Variants in TRAPPC9 observed in about 807,000 individuals in gnomAD.
The protein encoded by TRAPPC9 is trafficking protein particle complex subunit 9, also known as IKK2 binding protein.
Under a neutral mutation model 124.0 loss-of-function variants are expected in TRAPPC9, and 83 were observed. The ratio of observed to expected loss-of-function variants is 0.67; its 90% confidence interval spans 0.56 to 0.80. The LOEUF is 0.80. Among genes scored for constraint, TRAPPC9 ranks in the 30% least tolerant of loss-of-function variants. The pLI is 0.00. For synonymous variants in TRAPPC9, 638 were observed against 617.5 expected, an observed-to-expected ratio of 1.03 and a Z score of -0.49; for missense variants, 1,302 against 1,508.3, an observed-to-expected ratio of 0.86 and a Z score of 2.27.
At position 140,287,522 on chromosome 8, in the gene TRAPPC9, C is replaced by T. The variant is rs113471197; in HGVS notation, c.1981+86G>A. 5.7e-5 allele frequency: 89 copies of T among 1,554,706 alleles called. No individual in the cohort carries two copies. The African/African-American group carries it at 1.1e-3, about 19-fold the overall frequency. ...TTCTAACTGGTTAGGACTGGCATGA[C>T]GGGCGATCGGCTCTGGACCTCATGG... On this transcript the variant is annotated intron_variant, in intron 13 of 22. Transcript: ENST00000438773.
In TRAPPC9 at chr8:140,144,819, T is replaced by C. The variant is rs55734988; in HGVS notation, c.2556+76640A>G. Among the ~76,000 whole-genome samples the C allele has an allele frequency of 9.5e-3, 1,441 of 151,978 alleles. 26 individuals are homozygous for C. The highest frequency in any genetic ancestry group is 0.033 in the African/African-American group (1,375 of 41,450). On this transcript the variant is annotated intron_variant, in intron 17 of 22. Coordinates refer to ENST00000438773, the MANE Select transcript of TRAPPC9 (RefSeq NM_001160372.4). ...TATTTTTCTAACTGGTTTTTATGGA[T>C]CTAGATGAATGTTACTAATTTATGT...
chr8:140,213,047 G>A (rs964447639), intron 17 of TRAPPC9, among the ~76,000 whole-genome samples: 1 of 151,006 alleles, frequency 6.6e-6, no homozygotes, highest in Admixed American at 6.6e-5. Flanking sequence ...ACTCTAGCCT[G>A]GTGACAGAGC....
chr8:139,850,560 A>C (rs1196660458), intron 21 of TRAPPC9, among the ~76,000 whole-genome samples: 2 of 152,244 alleles, frequency 1.3e-5, no homozygotes, highest in Non-Finnish European at 1.5e-5. Context: ...ATGCCAATGC[A>C]TCTGAAAACC....
chr8:140,457,863 A>C (rs2071747358), upstream of TRAPPC9: 1 of 1,008,324 alleles, frequency 9.9e-7, no homozygotes, highest in Non-Finnish European at 1.2e-6. Flanking sequence ...GGGAGAAAAG[A>C]GGAAGGAGGA....
intron 16 of TRAPPC9, among the ~76,000 whole-genome samples, chr8:140,251,346 AGCGG>A (rs1259384749): frequency 3.9e-5 from 6 of 152,252 alleles, no homozygotes; most frequent in Non-Finnish European, 8.8e-5. Context: ...AATGCAGTTC[AGCGG>A]GATAAAGCCG....
chr8:139,868,019 A>G (rs1828660153), intron 21 of TRAPPC9, among the ~76,000 whole-genome samples: 1 of 152,188 alleles, frequency 6.6e-6, no homozygotes, highest in Admixed American at 6.5e-5. Flanking sequence ...GGAAATACAC[A>G]TTAATAATTT....
At position 139,776,676 on chromosome 8, in the gene TRAPPC9, GCA is replaced by G. The variant is rs138655288; in HGVS notation, c.3056-44476_3056-44475del. Among the ~76,000 whole-genome samples, 2 of 151,478 alleles carry G rather than the reference GCA, an allele frequency of 1.3e-5. No homozygotes were observed. Among genetic ancestry groups the G allele is most frequent in the African/African-American group, 2.4e-5 (1 of 41,196 alleles). The stretch of plus-strand genomic sequence containing the variant: ...CACGTGTGTGTCTGTGTGTGTGTGC[GCA>G]CACACACACAGAAAGGCACATGTGT... On this transcript the variant is annotated intron_variant, in intron 21 of 22. Coordinates refer to ENST00000438773, the MANE Select transcript of TRAPPC9 (RefSeq NM_001160372.4). The surrounding 1 kb of genome is among the most constrained non-coding windows in gnomAD (Gnocchi z 4.1).
At chr8:140,065,899 A>G (rs895325781) in intron 17 of TRAPPC9, among the ~76,000 whole-genome samples, 6 of 152,240 alleles carry the variant, frequency 3.9e-5, no homozygotes, top group African/African-American at 1.2e-4. Flanking sequence ...ACATTTGCCA[A>G]TGTATCTTTA....
At chr8:139,865,309 T>TCAAG (rs1410628867) in intron 21 of TRAPPC9, among the ~76,000 whole-genome samples, 1 of 152,236 alleles carries the variant, frequency 6.6e-6, no homozygotes, top group Non-Finnish European at 1.5e-5. Context: ...TCAACACGCC[T>TCAAG]GAGGACTCCT....
intron 5 of TRAPPC9, among the ~76,000 whole-genome samples, chr8:140,410,840 C>CA (rs750158682): frequency 0.023 from 2,273 of 100,118 alleles, 48 homozygotes; most frequent in African/African-American, 0.065. Context: ...GAGACTGTCT[C>CA]AAAAAAAAAA....
At chr8:139,836,337 G>GAACCAA (rs903671653) in intron 21 of TRAPPC9, among the ~76,000 whole-genome samples, 2 of 152,190 alleles carry the variant, frequency 1.3e-5, no homozygotes, top group African/African-American at 2.4e-5. Context: ...AGAAGAACCA[G>GAACCAA]CTCTCCATCT....
At chr8:140,299,768 G>C (rs888617515) in intron 11 of TRAPPC9, among the ~76,000 whole-genome samples, 1 of 152,218 alleles carries the variant, frequency 6.6e-6, no homozygotes. Flanking sequence ...CTGAGCCCTG[G>C]TGCAGGAGGG....
chr8:140,081,743 T>C (rs1482954206), intron 17 of TRAPPC9, among the ~76,000 whole-genome samples: 1 of 152,202 alleles, frequency 6.6e-6, no homozygotes, highest in African/African-American at 2.4e-5. Flanking sequence ...CGCACGTTCT[T>C]TTGGGGCGGG....
chr8:139,915,027 A>G (rs1443890016), intron 19 of TRAPPC9: 4 of 152,204 alleles, frequency 2.6e-5, no homozygotes, highest in Non-Finnish European at 5.9e-5. Context: ...GTGGGAAATC[A>G]TTATCTTTGG....
chr8:140,113,555 T>A (rs1212670518), intron 17 of TRAPPC9, among the ~76,000 whole-genome samples: 1 of 152,196 alleles, frequency 6.6e-6, no homozygotes, highest in Non-Finnish European at 1.5e-5. Context: ...GCCTGGCCAC[T>A]CACTGCTCAG....
intron 7 of TRAPPC9, among the ~76,000 whole-genome samples, chr8:140,388,847 CAAA>C (rs59649390): frequency 4.8e-4 from 29 of 60,948 alleles, no homozygotes; most frequent in Admixed American, 7.7e-4. Context: ...GAGACTCCAT[CAAA>C]AAAAAAAAAA....
At chr8:140,070,552 A>AG (rs1335343440) in intron 17 of TRAPPC9, among the ~76,000 whole-genome samples, 2 of 152,254 alleles carry the variant, frequency 1.3e-5, no homozygotes, top group Non-Finnish European at 2.9e-5. Context: ...AAAAATGATG[A>AG]GAAAAACCAG....
chr8:140,189,661 C>T (rs965077246), intron 17 of TRAPPC9, among the ~76,000 whole-genome samples: 1 of 151,348 alleles, frequency 6.6e-6, no homozygotes, highest in African/African-American at 2.4e-5. Context: ...AATGTTTTGC[C>T]CTTCTCCTTT....
chr8:140,344,841 C>A (rs902600704), intron 9 of TRAPPC9, among the ~76,000 whole-genome samples: 1 of 152,270 alleles, frequency 6.6e-6, no homozygotes, highest in Non-Finnish European at 1.5e-5. Context: ...CTTCCTGATA[C>A]GTGTCCTGGG....
Sources: gnomAD v4.1 joint callset for allele counts (sites outside exome capture counted in the v4.1 genomes callset) on GRCh38, gnomAD v4.1.1 for gene constraint, Gnocchi (gnomAD v3.1) non-coding constraint, MANE v1.5 for transcripts, NCBI Gene and HGNC (gene_info 2026-07-23, HGNC 2026-07-21) for gene names.